SEC22B: variants seen among roughly 807,000 people sequenced by gnomAD.
SEC22B encodes the protein vesicle-trafficking protein SEC22b.
Under a neutral mutation model 31.4 loss-of-function variants are expected in SEC22B, and 10 were observed. The ratio of observed to expected loss-of-function variants is 0.32; its 90% CI spans 0.20 to 0.54. The LOEUF (loss-of-function observed/expected upper bound fraction) is 0.54, where lower values mean the gene tolerates loss of function less well. SEC22B is among the 20% of genes least tolerant of loss of function. SEC22B has a pLI of 0.94. For missense variants in SEC22B, 130 were observed against 263.4 expected (o/e 0.49, Z 3.50); for synonymous variants, 60 against 95.9 (o/e 0.63, Z 2.19).
Position 120,151,163 on chromosome 1 carries a change from CAGAA to C in SEC22B, c.*5871_*5874del, listed in dbSNP as rs1444509948. 3 of 152,202 alleles carry C rather than the reference CAGAA, an allele frequency of 2.0e-5. No homozygotes were observed. The highest frequency in any genetic ancestry group is 7.2e-5 in the African/African-American group (3 of 41,512). 9.4% of individuals were successfully genotyped at this position (152,202 alleles called of 1,614,324 possible). On this transcript the variant is annotated 3_prime_UTR_variant, in exon 5 of 5. Coordinates refer to ENST00000578049, the MANE Select transcript of SEC22B (RefSeq NM_004892.6). ...GGTAAAAGGATGGGAGAAAAGTACACAGAAAGATATTCTGGAGAAAAGGCACAGA... is the reference window on the plus strand; with the variant it reads ...GGTAAAAGGATGGGAGAAAAGTACACAGATATTCTGGAGAAAAGGCACAGA...
At chr1:120,167,306 A>G (rs1657828038) in intron 2 of SEC22B, among the ~76,000 whole-genome samples, 1 of 151,874 alleles carries the variant, frequency 6.6e-6, no homozygotes, top group African/African-American at 2.4e-5. Flanking sequence ...TGTAAGCAAC[A>G]TTCTATCATA....
rs1553230221 is a variant in SEC22B, at chr1:120,176,394, C to T, written c.-13G>A. ...TTAGCAACACCATCTTCACAAACTA[C>T]AGGGATCCAACACTGGCCCGGAAGG... On this transcript the variant is annotated 5_prime_UTR_variant, in exon 1 of 5. Coordinates refer to ENST00000578049, the MANE Select transcript of SEC22B (RefSeq NM_004892.6). The T allele has an allele frequency of 1.9e-5, 31 of 1,613,470 alleles. No homozygotes were observed. In the East Asian group the frequency reaches 6.7e-4, roughly 35 times the overall value.
intron 1 of SEC22B, among the ~76,000 whole-genome samples, chr1:120,169,777 G>A (rs1657867284): frequency 7.0e-6 from 1 of 142,550 alleles, no homozygotes; most frequent in African/African-American, 2.7e-5. Context: ...TGAAGAATGG[G>A]AAGCAAATAG....
In SEC22B at chr1:120,151,914, T is replaced by C; in HGVS notation, c.*5124A>G. 6.6e-6 allele frequency: 1 copy of C among 152,030 alleles called. No homozygotes were observed. Among genetic ancestry groups the C allele is most frequent in the Non-Finnish European group, 1.5e-5 (1 of 68,022 alleles). 9.4% of individuals were successfully genotyped at this position (152,030 alleles called of 1,614,324 possible). A position where few individuals can be genotyped will look rare whatever the true frequency, so the allele number is the denominator to read the frequency against. Reference sequence around the variant, plus strand: ...AGAGGAGTCTAATGCAATGCGTGACTTGTAGCTCAGGTAAAGGGGTGGCAG... The same window carrying C: ...AGAGGAGTCTAATGCAATGCGTGACCTGTAGCTCAGGTAAAGGGGTGGCAG... On this transcript the variant is annotated 3_prime_UTR_variant, in exon 5 of 5. Transcript: ENST00000578049.
chr1:120,169,172 A>G (rs1257992890), intron 1 of SEC22B, among the ~76,000 whole-genome samples: 2 of 152,248 alleles, frequency 1.3e-5, no homozygotes, highest in Non-Finnish European at 2.9e-5. Flanking sequence ...GCAAAAGCAT[A>G]TACCTCAAAT....
intron 2 of SEC22B, among the ~76,000 whole-genome samples, chr1:120,168,345 T>TAGG (rs1365942497): frequency 1.3e-5 from 2 of 151,854 alleles, no homozygotes; most frequent in African/African-American, 2.4e-5. Flanking sequence ...TTATCTTTTA[T>TAGG]AATTTTCTTT....
rs1170627566 is a variant in SEC22B, at chr1:120,163,953, T to C, written c.186-583A>G. Among the ~76,000 whole-genome samples, 23 of 137,844 alleles carry C rather than the reference T, an allele frequency of 1.7e-4. No individual in the cohort carries two copies. The East Asian group carries it at 4.4e-3, about 27-fold the overall frequency. 90.4% of individuals were successfully genotyped at this position (137,844 alleles called of 152,430 possible). On this transcript the variant is annotated intron_variant, in intron 2 of 4. Transcript: ENST00000578049. ...TTCATCCATTAGATTCTCTTTTTTT[T>C]TTTTTTTTTTTTTTTTGGAGACAGG... is the stretch of plus-strand genomic sequence containing the variant.
At chr1:120,164,785 G>T (rs1481870363) in intron 2 of SEC22B, among the ~76,000 whole-genome samples, 1 of 151,914 alleles carries the variant, frequency 6.6e-6, no homozygotes, top group African/African-American at 2.4e-5. Context: ...CCCATTAATG[G>T]GTTTGCTGGG....
chr1:120,167,064 C>A (rs1657824532), intron 2 of SEC22B, among the ~76,000 whole-genome samples: 2 of 150,556 alleles, frequency 1.3e-5, no homozygotes, highest in South Asian at 4.2e-4. Context: ...ATTATATGAT[C>A]TCTCAGGCCC....
At chr1:120,157,724 A>G (rs1338709697) in intron 4 of SEC22B, 1 of 147,464 alleles carries the variant, frequency 6.8e-6, no homozygotes, top group Non-Finnish European at 1.5e-5. Flanking sequence ...TAACCAGAAA[A>G]TTCAATTAAC....
intron 1 of SEC22B, among the ~76,000 whole-genome samples, chr1:120,170,685 C>CTGTA (rs1399580378): frequency 6.9e-6 from 1 of 145,434 alleles, no homozygotes; most frequent in African/African-American, 2.7e-5. Flanking sequence ...ATATGTATGT[C>CTGTA]TGTATGTATG....
Position 120,154,365 on chromosome 1 carries a change from G to C in SEC22B, c.*2673C>G, listed in dbSNP as rs797039159. On this transcript the variant is annotated 3_prime_UTR_variant, in exon 5 of 5. Coordinates refer to ENST00000578049, the MANE Select transcript of SEC22B (RefSeq NM_004892.6). ...ATCCTTTGTAAGGTTTATTTATATA[G>C]TGGTGTAAAGAGTACTTACTTCAAA... 1 of 150,896 alleles carries C rather than the reference G, an allele frequency of 6.6e-6. No individual in the cohort carries two copies. Among genetic ancestry groups the C allele is most frequent in the Non-Finnish European group, 1.5e-5 (1 of 67,552 alleles). The allele number at this position is 150,896 out of a possible 1,614,324, so 9.3% of individuals were successfully genotyped here.
Position 120,168,785 on chromosome 1 carries a change from A to T in SEC22B, c.185+55T>A, listed in dbSNP as rs1215683768. 3 of 618,304 alleles carry T rather than the reference A, an allele frequency of 4.9e-6. No homozygotes were observed. In the African/African-American group the frequency reaches 9.0e-5, roughly 19 times the overall value. 38.3% of individuals were successfully genotyped at this position (618,304 alleles called of 1,614,324 possible). ...TAAAAATTATTATTTTTTATCAGGC[A>T]TTCTGTTACTGTATTTCACTTAAAT... On this transcript the variant is annotated intron_variant, in intron 2 of 4. Coordinates refer to ENST00000578049, the MANE Select transcript of SEC22B (RefSeq NM_004892.6).
At position 120,150,930 on chromosome 1, in the gene SEC22B, G is replaced by A. The variant is rs587730796; in HGVS notation, c.*6108C>T. On this transcript the variant is annotated 3_prime_UTR_variant, in exon 5 of 5. Transcript: ENST00000578049. ...CAAAAAGCGCAAAATAGAAGAGGCA[G>A]CATTGTTTTATAACAACTCACTCTC... The A allele has an allele frequency of 2.6e-5, 4 of 152,306 alleles. No homozygotes were observed. In the East Asian group the frequency reaches 7.7e-4, roughly 29 times the overall value. 9.4% of individuals were successfully genotyped at this position (152,306 alleles called of 1,614,324 possible).
At position 120,176,475 on chromosome 1, in the gene SEC22B, A is replaced by C; in HGVS notation, c.-94T>G. The C allele has an allele frequency of 5.4e-6, 6 of 1,111,706 alleles. No individual in the cohort carries two copies. The highest frequency in any genetic ancestry group is 6.6e-6 in the Non-Finnish European group (5 of 756,662). The allele number at this position is 1,111,706 out of a possible 1,614,324, so 68.9% of individuals were successfully genotyped here. On this transcript the variant is annotated 5_prime_UTR_variant, in exon 1 of 5. Transcript: ENST00000578049. The stretch of plus-strand genomic sequence containing the variant: ...CGACAACAGTTATACCCTATGTCTC[A>C]GTTACCGGAGATCCAGCTGCTTGCG...
Position 120,156,651 on chromosome 1 carries a change from T to C in SEC22B, c.*387A>G, listed in dbSNP as rs1395963943. On this transcript the variant is annotated 3_prime_UTR_variant, in exon 5 of 5. Transcript: ENST00000578049. ...ACACCTTCCCAAAGGACTGCCTTCT[T>C]TGAAGGAATTTCAGAATGTTGCTAG... 1 of 156,848 alleles carries C rather than the reference T, an allele frequency of 6.4e-6. No individual in the cohort carries two copies. Among genetic ancestry groups the C allele is most frequent in the Admixed American group, 6.6e-5 (1 of 15,234 alleles). 9.7% of individuals were successfully genotyped at this position (156,848 alleles called of 1,614,324 possible).
intron 2 of SEC22B, among the ~76,000 whole-genome samples, chr1:120,168,533 TA>T (rs1219714412): frequency 0.02 from 2,986 of 151,882 alleles, 98 homozygotes; most frequent in African/African-American, 0.068. Context: ...GTTACACTGT[TA>T]GGAAATGTTT....
Position 120,155,679 on chromosome 1 carries a change from C to T in SEC22B, c.*1359G>A, listed in dbSNP as rs1473610106. 6.6e-6 allele frequency: 1 copy of T among 151,520 alleles called. No individual in the cohort carries two copies. The highest frequency in any genetic ancestry group is 2.4e-5 in the African/African-American group (1 of 41,250). The allele number at this position is 151,520 out of a possible 1,614,324, so 9.4% of individuals were successfully genotyped here. ...TAAAAAGTTCGCTCATTTTCCTGTG[C>T]AATTTAAAGAAATATTTGCAGTATG... On this transcript the variant is annotated 3_prime_UTR_variant, in exon 5 of 5. Transcript: ENST00000578049.
Position 120,163,226 on chromosome 1 carries a change from A to G in SEC22B, c.330T>C (p.Tyr110=). The G allele has an allele frequency of 1.3e-6, 2 of 1,546,656 alleles. No homozygotes were observed. Among genetic ancestry groups the G allele is most frequent in the South Asian group, 2.4e-5 (2 of 81,682 alleles). The change falls in exon 3 of 5, where the codon TAT becomes TAC. Residue 110 remains tyrosine, a synonymous_variant. Transcript: ENST00000578049. ...GKKVPTVSRP[Y]SFIEFDTFIQ... is the part of the protein sequence containing the mutation. The stretch of plus-strand genomic sequence containing the variant: ...AAAACTTACCAAATTCAATAAAGGA[A>G]TAGGGTCGGGACACAGTGGGCACCT...
Sources: allele counts gnomAD v4.1 joint callset (sites outside exome capture counted in the v4.1 genomes callset), GRCh38; gene constraint gnomAD v4.1.1; transcripts MANE v1.5; gene names NCBI Gene and HGNC (gene_info 2026-07-23, HGNC 2026-07-21).